The following AGMO variants were observed in gnomAD, a reference collection of about 807,000 sequenced individuals.
AGMO encodes alkylglycerol monooxygenase.
A neutral mutation model predicts 60.2 loss-of-function variants in AGMO; 75 were observed. The ratio of observed to expected loss-of-function variants is 1.25; its 90% CI spans 1.03 to 1.51. AGMO has a LOEUF of 1.51. Ranked by LOEUF, AGMO falls within the 40% of genes most tolerant of loss-of-function variation. The probability of loss-of-function intolerance (pLI) is 0.00; values close to 1 mark genes in which losing one functional copy is unlikely to be tolerated. For missense variants in AGMO, 763 were observed against 525.5 expected, an observed-to-expected ratio of 1.45 and a Z score of -4.42; for synonymous variants, 261 against 177.1, an observed-to-expected ratio of 1.47 and a Z score of -3.76.
chr7:15,121,778 C>A, the AGMO span, among the ~76,000 whole-genome samples: 2 of 151,956 alleles, frequency 1.3e-5, no homozygotes, highest in Admixed American at 6.6e-5. Context: ...CAATGATCTG[C>A]TCTTCAACAA....
chr7:15,440,139 C>T (rs909400793), intron 3 of AGMO, among the ~76,000 whole-genome samples: 2 of 152,158 alleles, frequency 1.3e-5, no homozygotes, highest in African/African-American at 4.8e-5. Flanking sequence ...GCAGTCCCCT[C>T]TTAAAATATT....
intron 3 of AGMO, among the ~76,000 whole-genome samples, chr7:15,515,292 A>G (rs537333904): frequency 3.7e-4 from 56 of 152,300 alleles, no homozygotes; most frequent in African/African-American, 1.3e-3. Context: ...ACTTTGAATC[A>G]GCTTCCTGTT....
chr7:15,249,464 C>T (rs1444774048), intron 12 of AGMO, among the ~76,000 whole-genome samples: 1 of 152,082 alleles, frequency 6.6e-6, no homozygotes, highest in Non-Finnish European at 1.5e-5. Flanking sequence ...GTGTATGACA[C>T]TTTAATTTGT....
At chr7:15,152,344 T>G in the AGMO span, among the ~76,000 whole-genome samples, 5 of 152,048 alleles carry the variant, frequency 3.3e-5, no homozygotes, top group East Asian at 9.6e-4. Context: ...GGTAAAAGGT[T>G]TTTTGAATTT....
intron 3 of AGMO, among the ~76,000 whole-genome samples, chr7:15,525,753 C>A (rs1042242382): frequency 6.6e-6 from 1 of 152,098 alleles, no homozygotes; most frequent in Non-Finnish European, 1.5e-5. Flanking sequence ...TGAGCCAGCC[C>A]AGGAGCCCCA....
At chr7:15,424,068 C>T (rs548779584) in intron 4 of AGMO, among the ~76,000 whole-genome samples, 4 of 152,096 alleles carry the variant, frequency 2.6e-5, no homozygotes, top group East Asian at 1.9e-4. Flanking sequence ...TATCTACAAC[C>T]TCCTCCATTG....
the AGMO span, among the ~76,000 whole-genome samples, chr7:15,160,495 G>A: frequency 3.6e-4 from 55 of 152,016 alleles, no homozygotes; most frequent in African/African-American, 1.3e-3. Context: ...GTCTATATAC[G>A]ATTTGTCCAT....
chr7:15,529,122 T>G (rs1336773457), intron 3 of AGMO, among the ~76,000 whole-genome samples: 1 of 152,132 alleles, frequency 6.6e-6, no homozygotes, highest in Non-Finnish European at 1.5e-5. Flanking sequence ...GGGGAATTCT[T>G]AAAATGCACT....
At chr7:15,297,419 A>T (rs1784436070) in intron 12 of AGMO, among the ~76,000 whole-genome samples, 1 of 152,218 alleles carries the variant, frequency 6.6e-6, no homozygotes, top group African/African-American at 2.4e-5. Context: ...ATATCATTAC[A>T]GAAATGGGGC....
intron 3 of AGMO, among the ~76,000 whole-genome samples, chr7:15,440,936 G>T (rs538297557): frequency 6.6e-6 from 1 of 152,236 alleles, no homozygotes; most frequent in Admixed American, 6.5e-5. Flanking sequence ...CCAGTCATTT[G>T]TGTGCTGCTA....
intron 3 of AGMO, among the ~76,000 whole-genome samples, chr7:15,439,821 A>G (rs1781500253): frequency 6.6e-6 from 1 of 152,174 alleles, no homozygotes; most frequent in Admixed American, 6.5e-5. Context: ...AGTGTGAAAC[A>G]TGCCAGATCA....
chr7:15,471,824 T>C (rs902741409), intron 3 of AGMO, among the ~76,000 whole-genome samples: 1 of 151,204 alleles, frequency 6.6e-6, no homozygotes, highest in Non-Finnish European at 1.5e-5. Flanking sequence ...AAAGCCAAGA[T>C]TTTTTTTTAA....
chr7:15,354,327 T>TCTATATACAC (rs1491261219), intron 12 of AGMO, among the ~76,000 whole-genome samples: 1 of 32,224 alleles, frequency 3.1e-5, no homozygotes, highest in African/African-American at 2.2e-4. Flanking sequence ...TGTATATACG[T>TCTATATACAC]ACGCGTGTAT....
At chr7:15,133,299 G>C in the AGMO span, among the ~76,000 whole-genome samples, 1 of 152,298 alleles carries the variant, frequency 6.6e-6, no homozygotes, top group Non-Finnish European at 1.5e-5. Flanking sequence ...AGTGTCTGTA[G>C]CAATATCCAG....
chr7:15,207,790 C>T (rs181817226), intron 12 of AGMO, among the ~76,000 whole-genome samples: 211 of 152,180 alleles, frequency 1.4e-3, no homozygotes, highest in Non-Finnish European at 2.3e-3. Flanking sequence ...AAAAATTAGC[C>T]GGGCTTGGTG....
At chr7:15,381,229 A>G (rs1310658397) in intron 10 of AGMO, among the ~76,000 whole-genome samples, 1 of 152,222 alleles carries the variant, frequency 6.6e-6, no homozygotes, top group Non-Finnish European at 1.5e-5. Flanking sequence ...AACTATCAAC[A>G]GAGTGAACAG....
chr7:15,243,569 GAGAGTTTCAA>G (rs1782659491), intron 12 of AGMO, among the ~76,000 whole-genome samples: 1 of 152,100 alleles, frequency 6.6e-6, no homozygotes, highest in Non-Finnish European at 1.5e-5. Context: ...ATCGTGGCTG[GAGAGTTTCAA>G]AGACAGAAGT....
At chr7:15,332,263 C>T (rs544806891) in intron 12 of AGMO, among the ~76,000 whole-genome samples, 60 of 152,234 alleles carry the variant, frequency 3.9e-4, no homozygotes, top group African/African-American at 1.4e-3. Flanking sequence ...AACCTTTCTC[C>T]CTATCAGGAC....
chr7:15,358,848 G>A (rs771025249), intron 12 of AGMO, among the ~76,000 whole-genome samples: 6 of 152,126 alleles, frequency 3.9e-5, no homozygotes, highest in African/African-American at 1.4e-4. Context: ...ATTCCTTGAA[G>A]TATTGGGGAT....
Sources: allele counts gnomAD v4.1 joint callset (sites outside exome capture counted in the v4.1 genomes callset), GRCh38; gene constraint gnomAD v4.1.1; transcripts MANE v1.5; gene names NCBI Gene and HGNC (gene_info 2026-07-23, HGNC 2026-07-21).